Variants in NKAIN2 observed in about 807,000 individuals in gnomAD.
The protein encoded by NKAIN2 is sodium/potassium-transporting ATPase subunit beta-1-interacting protein 2.
A neutral mutation model predicts 32.6 loss-of-function variants in NKAIN2; 14 were observed. The observed-to-expected ratio is 0.43, with a 90% confidence interval of 0.28 to 0.67. The LOEUF (loss-of-function observed/expected upper bound fraction) is 0.67. Among genes scored for constraint, NKAIN2 ranks in the 30% least tolerant of loss-of-function variants. The pLI, the probability that NKAIN2 is intolerant of heterozygous loss-of-function variation, is 0.17. For missense variants in NKAIN2, 198 were observed against 258.3 expected (o/e 0.77, Z 1.60); for synonymous variants, 80 against 87.2 (o/e 0.92, Z 0.46).
chr6:123,889,759 T>G (rs1245482168), intron 1 of NKAIN2, among the ~76,000 whole-genome samples: 10 of 152,170 alleles, frequency 6.6e-5, no homozygotes, highest in Admixed American at 4.6e-4. Flanking sequence ...TTCAGGATGT[T>G]ATTAGAAGTT....
At chr6:124,090,771 A>G (rs1424476956) in intron 1 of NKAIN2, among the ~76,000 whole-genome samples, 2 of 152,024 alleles carry the variant, frequency 1.3e-5, no homozygotes, top group Admixed American at 1.3e-4. Context: ...TGCTGAGCAT[A>G]TTGCCTGCAC....
chr6:124,023,832 T>A (rs889546745), intron 1 of NKAIN2, among the ~76,000 whole-genome samples: 8 of 152,052 alleles, frequency 5.3e-5, no homozygotes, highest in African/African-American at 1.4e-4. Flanking sequence ...GTTGAGGAAT[T>A]TGGGGATAGA....
chr6:124,049,201 A>G (rs1020075720), intron 1 of NKAIN2, among the ~76,000 whole-genome samples: 1 of 152,036 alleles, frequency 6.6e-6, no homozygotes, highest in South Asian at 2.1e-4. Context: ...TTTTTGAGTC[A>G]TATGTTTTTT....
intron 1 of NKAIN2, among the ~76,000 whole-genome samples, chr6:123,935,324 G>C (rs4421219): frequency 6.6e-6 from 1 of 151,472 alleles, no homozygotes; most frequent in African/African-American, 2.4e-5. Context: ...GTTTGGCTTA[G>C]AATGTCTGTC....
chr6:124,501,152 G>A (rs1778276013), intron 3 of NKAIN2, among the ~76,000 whole-genome samples: 1 of 152,120 alleles, frequency 6.6e-6, no homozygotes, highest in Admixed American at 6.5e-5. Context: ...GGATCATTTT[G>A]CCTTTGCAAA....
At chr6:124,344,513 A>C (rs1798302699) in intron 2 of NKAIN2, among the ~76,000 whole-genome samples, 1 of 151,312 alleles carries the variant, frequency 6.6e-6, no homozygotes, top group Admixed American at 6.6e-5. Flanking sequence ...TTCATTGAGC[A>C]GTGGTTTTTA....
intron 1 of NKAIN2, among the ~76,000 whole-genome samples, chr6:124,235,200 T>G (rs1000495995): frequency 2.0e-5 from 3 of 152,180 alleles, no homozygotes; most frequent in African/African-American, 7.2e-5. Flanking sequence ...TATCTTCACT[T>G]TTTGGAAAAA....
In NKAIN2 at chr6:124,726,466, A is replaced by G. The variant is rs145550503; in HGVS notation, c.475-64873A>G. ...GGGGCACACTGACACCTCACACGGC[A>G]GGGTATTCCAACAGACCTGCAGCTG... On this transcript the variant is annotated intron_variant, in intron 4 of 6. Transcript: ENST00000368417. Among the ~76,000 whole-genome samples the G allele has an allele frequency of 2.6e-5, 4 of 151,998 alleles. No individual in the cohort carries two copies. In the South Asian group the frequency reaches 8.3e-4, roughly 32 times the overall value.
chr6:124,279,202 T>C (rs1795181250), intron 1 of NKAIN2, among the ~76,000 whole-genome samples: 1 of 152,084 alleles, frequency 6.6e-6, no homozygotes, highest in Non-Finnish European at 1.5e-5. Flanking sequence ...CTGGATGGTT[T>C]TCTCTACGTT....
chr6:123,901,474 G>A (rs1774583649), intron 1 of NKAIN2, among the ~76,000 whole-genome samples: 1 of 152,060 alleles, frequency 6.6e-6, no homozygotes, highest in South Asian at 2.1e-4. Flanking sequence ...AGTATACCAA[G>A]CGTTTCCTTT....
At chr6:124,074,326 T>C (rs1316584099) in intron 1 of NKAIN2, among the ~76,000 whole-genome samples, 3 of 151,856 alleles carry the variant, frequency 2.0e-5, no homozygotes, top group Admixed American at 2.0e-4. Flanking sequence ...ATTTTGTTCG[T>C]AAAATTATTT....
At chr6:124,457,101 C>A (rs1456727459) in intron 3 of NKAIN2, among the ~76,000 whole-genome samples, 1 of 151,794 alleles carries the variant, frequency 6.6e-6, no homozygotes, top group Non-Finnish European at 1.5e-5. Flanking sequence ...GTGTGTACTG[C>A]CTTCACAGGA....
intron 1 of NKAIN2, among the ~76,000 whole-genome samples, chr6:124,261,360 A>G (rs1794240115): frequency 6.6e-6 from 1 of 152,210 alleles, no homozygotes; most frequent in South Asian, 2.1e-4. Context: ...CTCTAAGTTT[A>G]CAGATGACTA....
intron 3 of NKAIN2, among the ~76,000 whole-genome samples, chr6:124,578,744 C>T (rs1244902870): frequency 6.6e-6 from 1 of 152,050 alleles, no homozygotes. Context: ...GCCAGGCAGG[C>T]CTTGGGTGAG....
chr6:124,244,576 T>C (rs1368894803), intron 1 of NKAIN2, among the ~76,000 whole-genome samples: 1 of 151,962 alleles, frequency 6.6e-6, no homozygotes, highest in Non-Finnish European at 1.5e-5. Context: ...CGAGATGATA[T>C]ACCTAAATAA....
chr6:124,614,638 T>C (rs1391334151), intron 3 of NKAIN2, among the ~76,000 whole-genome samples: 1 of 152,178 alleles, frequency 6.6e-6, no homozygotes, highest in Non-Finnish European at 1.5e-5. Context: ...TGGTTGTCTT[T>C]ATTCACTCCT....
At chr6:124,192,130 A>G (rs1300593939) in intron 1 of NKAIN2, among the ~76,000 whole-genome samples, 2 of 151,830 alleles carry the variant, frequency 1.3e-5, no homozygotes, top group Non-Finnish European at 2.9e-5. Flanking sequence ...CTTTTTGCCT[A>G]CTCACTCTGG....
intron 5 of NKAIN2, among the ~76,000 whole-genome samples, chr6:124,813,557 G>A (rs769375425): frequency 6.6e-6 from 1 of 152,098 alleles, no homozygotes; most frequent in African/African-American, 2.4e-5. Context: ...TCAGTCAAAT[G>A]CAGAAATATC....
At chr6:124,146,729 A>G (rs999069963) in intron 1 of NKAIN2, among the ~76,000 whole-genome samples, 1 of 152,236 alleles carries the variant, frequency 6.6e-6, no homozygotes, top group African/African-American at 2.4e-5. Flanking sequence ...CAAGCTAAAT[A>G]TTGACCACAA....
Sources: allele counts gnomAD v4.1 joint callset (sites outside exome capture counted in the v4.1 genomes callset), GRCh38; gene constraint gnomAD v4.1.1; transcripts MANE v1.5; gene names NCBI Gene and HGNC (gene_info 2026-07-23, HGNC 2026-07-21).